Variants in PSMD11 observed in about 807,000 individuals in gnomAD.
PSMD11 encodes 26S proteasome non-ATPase regulatory subunit 11.
Under a neutral mutation model 62.3 loss-of-function variants are expected in PSMD11, and 5 were observed. That is an observed-to-expected ratio of 0.08 (90% CI 0.04 to 0.17). The LOEUF is 0.17. PSMD11 is among the 10% of genes least tolerant of loss of function. The pLI, the probability that PSMD11 is intolerant of heterozygous loss-of-function variation, is 1.00. For missense variants in PSMD11, 310 were observed against 512.9 expected, an observed-to-expected ratio of 0.60 and a Z score of 3.82; for synonymous variants, 191 against 191.8, an observed-to-expected ratio of 1.00 and a Z score of 0.03.
intron 3 of PSMD11, among the ~76,000 whole-genome samples, chr17:32,460,629 C>T (rs1172466949): frequency 1.3e-5 from 2 of 151,782 alleles, no homozygotes; most frequent in Non-Finnish European, 1.5e-5. Flanking sequence ...AAAAATTAGC[C>T]AGGTGTGGTG....
At chr17:32,453,492 A>T (rs946421663) in intron 2 of PSMD11, among the ~76,000 whole-genome samples, 1 of 152,174 alleles carries the variant, frequency 6.6e-6, no homozygotes, top group African/African-American at 2.4e-5. Context: ...TTTCTACTCT[A>T]TATCAAGTTC....
In PSMD11 at chr17:32,469,191, C is replaced by T. The variant is rs1175723210; in HGVS notation, c.641C>T (p.Ser214Leu). ...PKLQATLDMQ[S>L]GIIHAAEEKD... is the part of the protein sequence containing the mutation. ...TTGCAGGCCACCTTGGACATGCAGT[C>T]GGGTAACAGACGTAGCTATTCCTGG... The change falls in exon 6 of 14, where the codon TCG becomes TTG. Residue 214 changes from serine (S) to leucine (L), a missense_variant and splice_region_variant. Physicochemically the swap from Ser to Leu is moderately radical, Grantham distance 145 (BLOSUM62 -2). Around this residue, in one of 6 missense-constraint regions of PSMD11, gnomAD observed 47 missense variants for 117.7 expected, o/e 0.40. Coordinates refer to ENST00000261712, the MANE Select transcript of PSMD11 (RefSeq NM_002815.4). The T allele has an allele frequency of 1.9e-6, 3 of 1,612,496 alleles. No individual in the cohort carries two copies. The highest frequency in any genetic ancestry group is 1.6e-4 in the Middle Eastern group (1 of 6,074).
intron 2 of PSMD11, among the ~76,000 whole-genome samples, chr17:32,454,029 T>C (rs560001157): frequency 2.6e-5 from 4 of 152,106 alleles, no homozygotes; most frequent in African/African-American, 9.6e-5. Flanking sequence ...GAATCTGGAG[T>C]AGAAAATCTC....
At chr17:32,454,648 C>T (rs1304146508) in intron 3 of PSMD11, 29 bp downstream of exon 3, 6 of 1,604,806 alleles carry the variant, frequency 3.7e-6, no homozygotes. Context: ...AGAAAGTAGA[C>T]AATATGGAGA....
intron 2 of PSMD11, among the ~76,000 whole-genome samples, chr17:32,449,605 A>C (rs762894661): frequency 6.6e-6 from 1 of 152,170 alleles, no homozygotes; most frequent in Non-Finnish European, 1.5e-5. Context: ...GAAGTTTAGA[A>C]GTGTACTGCT....
At chr17:32,445,840 C>T (rs2150827081) in intron 1 of PSMD11, 1 of 152,306 alleles carries the variant, frequency 6.6e-6, no homozygotes. Context: ...AAGTGGGCGT[C>T]AAGGTGTATC....
intron 6 of PSMD11, 80 bp from the exon 7 acceptor site, chr17:32,473,721 T>C: frequency 6.8e-7 from 1 of 1,475,830 alleles, no homozygotes; most frequent in Non-Finnish European, 9.3e-7. Context: ...TTTAGGTAGA[T>C]GTCTAAGCTG....
chr17:32,471,796 T>C (rs955217974), intron 6 of PSMD11, among the ~76,000 whole-genome samples: 3 of 152,192 alleles, frequency 2.0e-5, no homozygotes, highest in Non-Finnish European at 4.4e-5. Context: ...CAATATGACA[T>C]TGAGCTGGGA....
At chr17:32,458,138 A>T (rs1019152149) in intron 3 of PSMD11, among the ~76,000 whole-genome samples, 2 of 151,132 alleles carry the variant, frequency 1.3e-5, no homozygotes, top group Non-Finnish European at 3.0e-5. Context: ...TTGGTTCTTA[A>T]TTTTTTTTTA....
chr17:32,452,835 A>G (rs1425220516), intron 2 of PSMD11, among the ~76,000 whole-genome samples: 5 of 152,220 alleles, frequency 3.3e-5, no homozygotes. Context: ...ACCACAAAAT[A>G]CCACAAGTAG....
chr17:32,465,357 C>G (rs779202753), intron 5 of PSMD11, among the ~76,000 whole-genome samples: 3 of 152,086 alleles, frequency 2.0e-5, no homozygotes, highest in Non-Finnish European at 4.4e-5. Flanking sequence ...AAGTGATCTG[C>G]CTGCCTTAGC....
chr17:32,455,349 C>A (rs1420224447), intron 3 of PSMD11, among the ~76,000 whole-genome samples: 1 of 152,224 alleles, frequency 6.6e-6, no homozygotes, highest in Non-Finnish European at 1.5e-5. Flanking sequence ...GTGTTAGGCA[C>A]TGTTTTAGGT....
chr17:32,458,539 C>T (rs1907715599), intron 3 of PSMD11, among the ~76,000 whole-genome samples: 1 of 152,236 alleles, frequency 6.6e-6, no homozygotes, highest in Non-Finnish European at 1.5e-5. Context: ...TTTGTACATG[C>T]TCTGAGTATT....
Position 32,480,920 on chromosome 17 carries a change from A to T in PSMD11, c.*168A>T. 3.4e-6 allele frequency: 1 copy of T among 292,292 alleles called. No individual in the cohort carries two copies. The allele number at this position is 292,292 out of a possible 1,614,324, so 18.1% of individuals were successfully genotyped here. A position where few individuals can be genotyped will look rare whatever the true frequency, so the allele number is the denominator to read the frequency against. On this transcript the variant is annotated 3_prime_UTR_variant, in exon 14 of 14. Coordinates refer to ENST00000261712, the MANE Select transcript of PSMD11 (RefSeq NM_002815.4). Reference sequence around the variant, plus strand: ...CCAGCCAATAGGTGTGCCAGTTTTCATGTAATCTTTACTGGCCCAACTTGG... The same window carrying T: ...CCAGCCAATAGGTGTGCCAGTTTTCTTGTAATCTTTACTGGCCCAACTTGG...
chr17:32,474,854 C>A (rs974545316), intron 8 of PSMD11, 30 bp downstream of exon 8: 2 of 1,590,760 alleles, frequency 1.3e-6, no homozygotes, highest in Non-Finnish European at 1.7e-6. Flanking sequence ...CAGTTCTGCT[C>A]ACTCTGAGAC....
intron 6 of PSMD11, among the ~76,000 whole-genome samples, chr17:32,472,574 G>A (rs969818104): frequency 3.4e-5 from 5 of 148,930 alleles, no homozygotes; most frequent in African/African-American, 1.2e-4. Flanking sequence ...GTCTCACTCT[G>A]TCGCCCAAGT....
chr17:32,451,025 G>A (rs867650593), intron 2 of PSMD11, among the ~76,000 whole-genome samples: 1 of 151,742 alleles, frequency 6.6e-6, no homozygotes, highest in Middle Eastern at 3.4e-3. Flanking sequence ...GGAAACAGAG[G>A]CAGGAGGATC....
At chr17:32,446,069 C>A (rs1443685209) in intron 1 of PSMD11, 1 of 152,054 alleles carries the variant, frequency 6.6e-6, no homozygotes, top group African/African-American at 2.4e-5. Flanking sequence ...TCAAATATTA[C>A]AATTAGAGTA....
chr17:32,451,112 C>T (rs1244589882), intron 2 of PSMD11, among the ~76,000 whole-genome samples: 2 of 142,328 alleles, frequency 1.4e-5, no homozygotes, highest in African/African-American at 2.7e-5. Context: ...CTGAGTGAGG[C>T]TCTTTCTCAA....
Sources: gnomAD v4.1 joint callset for allele counts (sites outside exome capture counted in the v4.1 genomes callset) on GRCh38, gnomAD v4.1.1 for gene constraint, gnomAD v4.1.1 regional missense constraint, MANE v1.5 for transcripts, NCBI Gene and HGNC (gene_info 2026-07-23, HGNC 2026-07-21) for gene names.